The following ZNF431 variants were observed in gnomAD, a reference collection of about 807,000 sequenced individuals.
The protein encoded by ZNF431 is zinc finger protein 431.
ZNF431 carries 34 observed loss-of-function variants against 57.0 expected under a neutral mutation model. The observed-to-expected ratio is 0.60, with a 90% CI of 0.45 to 0.79. ZNF431 has a LOEUF of 0.79. Ranked by LOEUF, ZNF431 falls within the 30% of genes least tolerant of loss-of-function variation. ZNF431 has a pLI of 0.00. For synonymous variants in ZNF431, 207 were observed against 220.3 expected (o/e 0.94, Z 0.54); for missense variants, 607 against 667.1 (o/e 0.91, Z 0.99).
intron 3 of ZNF431, among the ~76,000 whole-genome samples, chr19:21,167,209 T>A (rs1001425493): frequency 6.6e-6 from 1 of 151,668 alleles, no homozygotes; most frequent in African/African-American, 2.4e-5. Flanking sequence ...TTGCCTAGGC[T>A]GGAGTGCAAT....
rs529836352 is a variant in ZNF431 at position 21,164,820 on chromosome 19, T to C, written c.97-1515T>C. On this transcript the variant is annotated intron_variant, in intron 2 of 4. Coordinates refer to ENST00000311048, the MANE Select transcript of ZNF431 (RefSeq NM_133473.4). ...AATAGTCAAGGGTCTCTAAAAAATATTTGTTTCTGGCTGGGCGCGGTGGCT... is the reference window on the plus strand; with the variant it reads ...AATAGTCAAGGGTCTCTAAAAAATACTTGTTTCTGGCTGGGCGCGGTGGCT... 1.2e-4 allele frequency among the ~76,000 whole-genome samples: 18 copies of C among 152,034 alleles called. No individual in the cohort carries two copies. In the South Asian group the frequency reaches 2.7e-3, roughly 23 times the overall value.
chr19:21,157,391 T>C (rs1970445928), intron 2 of ZNF431, among the ~76,000 whole-genome samples: 9 of 152,154 alleles, frequency 5.9e-5, no homozygotes. Context: ...GCCATTCTGA[T>C]TGGTGTGAGG....
At chr19:21,171,777 G>A (rs1455527278) in intron 4 of ZNF431, among the ~76,000 whole-genome samples, 3 of 139,260 alleles carry the variant, frequency 2.2e-5, no homozygotes, top group African/African-American at 8.2e-5. Context: ...CTGGTGTGCA[G>A]TGGCACAATC....
chr19:21,155,452 C>T (rs1029363564), intron 2 of ZNF431, among the ~76,000 whole-genome samples: 2 of 152,156 alleles, frequency 1.3e-5, no homozygotes, highest in Non-Finnish European at 2.9e-5. Flanking sequence ...AGTCAGGTAG[C>T]ATGATGCCTC....
intron 2 of ZNF431, among the ~76,000 whole-genome samples, chr19:21,149,432 T>G (rs1970201628): frequency 6.6e-6 from 1 of 152,228 alleles, no homozygotes; most frequent in Non-Finnish European, 1.5e-5. Flanking sequence ...GGTGTTACAC[T>G]TTTAACTTTT....
intron 2 of ZNF431, among the ~76,000 whole-genome samples, chr19:21,152,245 G>A (rs147359775): frequency 2.0e-4 from 30 of 152,180 alleles, no homozygotes; most frequent in African/African-American, 5.5e-4. Context: ...AAAGAGAAAA[G>A]AGAGAAAAAG....
intron 4 of ZNF431, among the ~76,000 whole-genome samples, chr19:21,170,734 C>T (rs867972663): frequency 2.6e-5 from 4 of 151,600 alleles, no homozygotes; most frequent in South Asian, 2.1e-4. Context: ...AGTGCAGTGG[C>T]ATGATCTCAG....
At chr19:21,182,512 A>G in intron 4 of ZNF431, 111 bp from the exon 5 acceptor site, 2 of 1,221,122 alleles carry the variant, frequency 1.6e-6, no homozygotes, top group South Asian at 3.4e-5. Flanking sequence ...GGCCTATGGT[A>G]TTTTATTATG....
intron 2 of ZNF431, among the ~76,000 whole-genome samples, chr19:21,158,148 C>T (rs1970472060): frequency 6.6e-6 from 1 of 152,000 alleles, no homozygotes; most frequent in South Asian, 2.1e-4. Context: ...TAATATTGAT[C>T]TTTTCTATCT....
intron 4 of ZNF431, among the ~76,000 whole-genome samples, chr19:21,173,456 A>G (rs1372871971): frequency 6.6e-6 from 1 of 152,204 alleles, no homozygotes; most frequent in Non-Finnish European, 1.5e-5. Flanking sequence ...GTTTTAAAAA[A>G]CATGTAGTAT....
Position 21,183,400 on chromosome 19 carries a change from A to G in ZNF431, c.1097A>G (p.His366Arg), listed in dbSNP as rs1420115134. Residue 366 changes from histidine to arginine, a missense_variant, in exon 5 of 5, where the codon CAT (histidine) becomes CGT (arginine). Physicochemically the swap from His to Arg is conservative, Grantham distance 29 (BLOSUM62 0). Coordinates refer to ENST00000311048, the MANE Select transcript of ZNF431 (RefSeq NM_133473.4). ...TACCTTACTAAACATAAGATAATTC[A>G]TACTGGAGAAAAATCTTACAAATGT... ...FSYLTKHKII[H>R]TGEKSYKCEE... The G allele has an allele frequency of 3.7e-6, 6 of 1,613,660 alleles. No homozygotes were observed. Among genetic ancestry groups the G allele is most frequent in the Non-Finnish European group, 5.1e-6 (6 of 1,179,752 alleles).
At position 21,182,720 on chromosome 19, in the gene ZNF431, T is replaced by C. The variant is rs1971240686; in HGVS notation, c.417T>C (p.His139=). 1.2e-6 allele frequency: 2 copies of C among 1,613,888 alleles called. No individual in the cohort carries two copies. The highest frequency in any genetic ancestry group is 1.7e-6 in the Non-Finnish European group (2 of 1,179,856). ...VILRRYGKCE[H]ENLQLRKGSA... is the part of the protein sequence containing the mutation. ...TGAGAAGATATGGCAAATGTGAACA[T>C]GAGAATTTACAGTTAAGAAAAGGCT... Residue 139 remains histidine, a synonymous_variant, in exon 5 of 5, where the codon CAT becomes CAC. Transcript: ENST00000311048.
chr19:21,185,747 C>T lies in ZNF431; in HGVS notation c.*1713C>T, dbSNP rs1308027428. On this transcript the variant is annotated 3_prime_UTR_variant, in exon 5 of 5. Coordinates refer to ENST00000311048, the MANE Select transcript of ZNF431 (RefSeq NM_133473.4). ...AAGTGCTGGGATTACAGGCTTGAGC[C>T]ACCACGCCCAGCCTGTAGCATATTT... 6.6e-6 allele frequency: 1 copy of T among 152,176 alleles called. No individual in the cohort carries two copies. The highest frequency in any genetic ancestry group is 1.5e-5 in the Non-Finnish European group (1 of 68,080). The allele number at this position is 152,176 out of a possible 1,614,324, so 9.4% of individuals were successfully genotyped here.
At chr19:21,175,117 G>GATCA (rs1715352812) in intron 4 of ZNF431, among the ~76,000 whole-genome samples, 2 of 152,104 alleles carry the variant, frequency 1.3e-5, no homozygotes. Flanking sequence ...GCAGTGGCAT[G>GATCA]ATCACGACTC....
intron 1 of ZNF431, among the ~76,000 whole-genome samples, chr19:21,143,145 G>A (rs912853278): frequency 8.6e-5 from 13 of 151,740 alleles, no homozygotes; most frequent in Non-Finnish European, 1.3e-4. Flanking sequence ...TCACGTTATC[G>A]CCTATTTGTC....
In ZNF431 at chr19:21,189,913, G is replaced by A. The variant is rs776982752; in HGVS notation, c.*5879G>A. The A allele has an allele frequency of 6.5e-5, 26 of 397,920 alleles. No individual in the cohort carries two copies. Among genetic ancestry groups the A allele is most frequent in the Non-Finnish European group, 1.0e-4 (23 of 226,064 alleles). The allele number at this position is 397,920 out of a possible 1,614,324, so 24.6% of individuals were successfully genotyped here. On this transcript the variant is annotated 3_prime_UTR_variant, in exon 5 of 5. Transcript: ENST00000311048. ...GTAATCCCAGCTCTGGGAGGCCAAG[G>A]CCAGTGGATTGCTTGAGCCCAGGAG...
At position 21,182,961 on chromosome 19, in the gene ZNF431, A is replaced by T; in HGVS notation, c.658A>T (p.Ser220Cys). Residue 220 changes from serine (S) to cysteine (C), a missense_variant, in exon 5 of 5, where the codon AGT (serine) becomes TGT (cysteine). Ser to Cys is a moderately radical substitution (Grantham distance 112, BLOSUM62 -1). Coordinates refer to ENST00000311048, the MANE Select transcript of ZNF431 (RefSeq NM_133473.4). Reference sequence around the variant, plus strand: ...ATCATTTTGCATGCTTTTACACCTAAGTCAACATAAAAGAATTCATATTAG... The same window carrying T: ...ATCATTTTGCATGCTTTTACACCTATGTCAACATAAAAGAATTCATATTAG... ...GKSFCMLLHL[S>C]QHKRIHIREN... 4 of 1,614,130 alleles carry T rather than the reference A, an allele frequency of 2.5e-6. No individual in the cohort carries two copies. The highest frequency in any genetic ancestry group is 3.4e-6 in the Non-Finnish European group (4 of 1,179,970).
At chr19:21,172,969 G>T (rs1215516224) in intron 4 of ZNF431, among the ~76,000 whole-genome samples, 1 of 152,132 alleles carries the variant, frequency 6.6e-6, no homozygotes, top group Non-Finnish European at 1.5e-5. Context: ...CTGTTTTTAT[G>T]AGTGTGACTA....
chr19:21,183,508 G>A lies in ZNF431; in HGVS notation c.1205G>A (p.Cys402Tyr), dbSNP rs773448613. 1.3e-5 allele frequency: 21 copies of A among 1,613,570 alleles called. No homozygotes were observed. The highest frequency in any genetic ancestry group is 1.1e-5 in the Non-Finnish European group (13 of 1,179,960). Residue 402 changes from cysteine (C) to tyrosine (Y), a missense_variant, in exon 5 of 5, where the codon TGT (cysteine) becomes TAT (tyrosine). Physicochemically the swap from Cys to Tyr is radical, Grantham distance 194 (BLOSUM62 -2). Transcript: ENST00000311048. ...CATACTGGAGAGAAACCCTACAAAT[G>A]TGAAGTGTGTGGCAAAGCCTTTAAT... ...RIHTGEKPYK[C>Y]EVCGKAFNES...
Sources: allele counts gnomAD v4.1 joint callset (sites outside exome capture counted in the v4.1 genomes callset), GRCh38; gene constraint gnomAD v4.1.1; transcripts MANE v1.5; gene names NCBI Gene and HGNC (gene_info 2026-07-23, HGNC 2026-07-21).